TCF7L1: variants seen among roughly 807,000 people sequenced by gnomAD.
TCF7L1 encodes the protein transcription factor 7-like 1.
TCF7L1 carries 18 observed loss-of-function variants against 63.7 expected under a neutral mutation model. That is an observed-to-expected ratio of 0.28 (90% CI 0.20 to 0.42). The LOEUF (loss-of-function observed/expected upper bound fraction) is 0.42, where lower values mean the gene tolerates loss of function less well. TCF7L1 is among the 10% of genes least tolerant of loss of function. The pLI is 1.00. For missense variants in TCF7L1, 654 were observed against 779.3 expected (o/e 0.84, Z 1.91); for synonymous variants, 355 against 340.9 (o/e 1.04, Z -0.46).
intron 3 of TCF7L1, among the ~76,000 whole-genome samples, chr2:85,139,353 A>G (rs970904446): frequency 3.3e-5 from 5 of 152,152 alleles, no homozygotes; most frequent in African/African-American, 1.2e-4. Flanking sequence ...AACTTCTTCA[A>G]CTGAAGTCTA....
At chr2:85,248,356 G>A (rs180697405) in intron 3 of TCF7L1, among the ~76,000 whole-genome samples, 1 of 152,232 alleles carries the variant, frequency 6.6e-6, no homozygotes, top group East Asian at 1.9e-4. Context: ...GCTGTCGTGG[G>A]GCCTGGAACT....
At chr2:85,290,707 G>A (rs762285941) in intron 4 of TCF7L1, among the ~76,000 whole-genome samples, 1 of 152,186 alleles carries the variant, frequency 6.6e-6, no homozygotes, top group Non-Finnish European at 1.5e-5. Flanking sequence ...TATATATAGC[G>A]AGTGAGTGAG....
intron 3 of TCF7L1, chr2:85,262,333 G>C: frequency 1.9e-6 from 1 of 518,828 alleles, no homozygotes; most frequent in Non-Finnish European, 3.9e-6. Context: ...TTCACAAAGA[G>C]CACACCCGCA....
chr2:85,163,676 C>T (rs1298377404), intron 3 of TCF7L1, among the ~76,000 whole-genome samples: 3 of 152,154 alleles, frequency 2.0e-5, no homozygotes, highest in African/African-American at 4.8e-5. Flanking sequence ...TGTCTCACAG[C>T]TCTGGAGGCT....
intron 3 of TCF7L1, among the ~76,000 whole-genome samples, chr2:85,274,364 C>T (rs1185734201): frequency 6.6e-6 from 1 of 152,204 alleles, no homozygotes; most frequent in Non-Finnish European, 1.5e-5. Context: ...GTCAGGGCCA[C>T]CACAGAATGG....
intron 3 of TCF7L1, among the ~76,000 whole-genome samples, chr2:85,268,987 G>T (rs759637964): frequency 2.6e-5 from 4 of 152,036 alleles, no homozygotes; most frequent in African/African-American, 4.8e-5. Context: ...AGATGACAAA[G>T]TGAGGAAGAA....
chr2:85,211,758 G>A (rs554752500), intron 3 of TCF7L1, among the ~76,000 whole-genome samples: 38 of 152,234 alleles, frequency 2.5e-4, no homozygotes, highest in African/African-American at 8.9e-4. Context: ...TTTGGGGCAG[G>A]AACAGTGATT....
At chr2:85,274,658 G>A (rs1418083407) in intron 3 of TCF7L1, among the ~76,000 whole-genome samples, 2 of 152,214 alleles carry the variant, frequency 1.3e-5, no homozygotes, top group South Asian at 2.1e-4. Flanking sequence ...GTGACTCATC[G>A]TGGTACCTTG....
chr2:85,304,080 G>A, intron 6 of TCF7L1, 83 bp downstream of exon 6: 1 of 1,265,782 alleles, frequency 7.9e-7, no homozygotes, highest in Non-Finnish European at 1.1e-6. Context: ...CTGCACAGTG[G>A]AGCCCCCTCA....
intron 3 of TCF7L1, among the ~76,000 whole-genome samples, chr2:85,206,354 G>A (rs948985239): frequency 6.6e-6 from 1 of 152,248 alleles, no homozygotes; most frequent in Non-Finnish European, 1.5e-5. Context: ...CACTGGGTTA[G>A]TGGTTTTATG....
intron 3 of TCF7L1, among the ~76,000 whole-genome samples, chr2:85,230,929 C>G (rs1174041933): frequency 6.6e-6 from 1 of 152,178 alleles, no homozygotes; most frequent in African/African-American, 2.4e-5. Context: ...GAACAAATGC[C>G]TAAAACTTTC....
At chr2:85,189,080 G>T (rs1279986125) in intron 3 of TCF7L1, among the ~76,000 whole-genome samples, 1 of 152,194 alleles carries the variant, frequency 6.6e-6, no homozygotes. Context: ...GTGTGCAACA[G>T]TGTAAATAGA....
At chr2:85,169,335 C>T (rs1678495382) in intron 3 of TCF7L1, among the ~76,000 whole-genome samples, 2 of 151,560 alleles carry the variant, frequency 1.3e-5, no homozygotes, top group Admixed American at 6.6e-5. Context: ...ACTCCAGATT[C>T]GCCTGCTGTC....
In TCF7L1 at chr2:85,163,750, C is replaced by G. The variant is rs543820865; in HGVS notation, c.441+29300C>G. Among the ~76,000 whole-genome samples, 4 of 152,222 alleles carry G rather than the reference C, an allele frequency of 2.6e-5. No individual in the cohort carries two copies. In the South Asian group the frequency reaches 8.3e-4, roughly 32 times the overall value. ...TCTGAGGCTGTGCGGGAGGGATCTG[C>G]TCCAGGCCTCTCTCCTTGGCTTGTA... On this transcript the variant is annotated intron_variant, in intron 3 of 11. Coordinates refer to ENST00000282111, the MANE Select transcript of TCF7L1 (RefSeq NM_031283.3).
intron 3 of TCF7L1, chr2:85,186,648 G>A (rs1435111729): frequency 1.3e-5 from 2 of 152,166 alleles, no homozygotes; most frequent in African/African-American, 4.8e-5. Context: ...GTTGGGAGTT[G>A]GTGATGTGCC....
In TCF7L1 at chr2:85,306,364, A is replaced by G; in HGVS notation, c.1148A>G (p.Lys383Arg). The G allele has an allele frequency of 1.9e-6, 3 of 1,614,118 alleles. No individual in the cohort carries two copies. Among genetic ancestry groups the G allele is most frequent in the Non-Finnish European group, 2.5e-6 (3 of 1,179,942 alleles). Reference protein sequence around the residue: ...SAAINQILGRKWHNLSREEQA... With the variant: ...SAAINQILGRRWHNLSREEQA... ...GCCATTAACCAGATCCTTGGAAGAA[A>G]GGTAAGACCTGCCCTCTCCCTCCAG... Residue 383 changes from lysine (K) to arginine (R), a missense_variant and splice_region_variant, in exon 9 of 12, where the codon AAG (lysine) becomes AGG (arginine). Physicochemically the swap from Lys to Arg is conservative, Grantham distance 26. Coordinates refer to ENST00000282111, the MANE Select transcript of TCF7L1 (RefSeq NM_031283.3). This position sits in a 1 kb window ranked among gnomAD's most constrained non-coding sequence, Gnocchi z 4.3.
At chr2:85,204,290 TTC>T (rs1491267508) in intron 3 of TCF7L1, among the ~76,000 whole-genome samples, 2 of 40,116 alleles carry the variant, frequency 5.0e-5, no homozygotes, top group Non-Finnish European at 9.9e-5. Context: ...GATAACTTGC[TTC>T]CCCCCCCCCC....
At chr2:85,141,679 G>A (rs1677743235) in intron 3 of TCF7L1, among the ~76,000 whole-genome samples, 1 of 152,228 alleles carries the variant, frequency 6.6e-6, no homozygotes, top group African/African-American at 2.4e-5. Context: ...GAAGATGAAT[G>A]GGAAAGAAGA....
chr2:85,293,495 C>T (rs1681773124), intron 4 of TCF7L1, among the ~76,000 whole-genome samples: 1 of 152,170 alleles, frequency 6.6e-6, no homozygotes, highest in East Asian at 1.9e-4. Context: ...CAGCATCATG[C>T]TTTCTGTACA....
Sources: allele counts gnomAD v4.1 joint callset (sites outside exome capture counted in the v4.1 genomes callset), GRCh38; gene constraint gnomAD v4.1.1; non-coding constraint Gnocchi (gnomAD v3.1); transcripts MANE v1.5; gene names NCBI Gene and HGNC (gene_info 2026-07-23, HGNC 2026-07-21).